Variants in MYO1D observed in about 807,000 individuals in gnomAD.
MYO1D encodes the protein myosin ID.
In MYO1D, 83 loss-of-function variants were observed where a neutral mutation model predicts 122.0. That is an observed-to-expected ratio of 0.68 (90% CI 0.57 to 0.82). The LOEUF is 0.82. Among genes scored for constraint, MYO1D ranks in the 40% least tolerant of loss-of-function variants. The pLI is 0.00. For missense variants in MYO1D, 1,157 were observed against 1,269.5 expected (o/e 0.91, Z 1.35); for synonymous variants, 464 against 446.9 (o/e 1.04, Z -0.48).
chr17:32,850,952 G>C (rs1271562956), intron 1 of MYO1D, among the ~76,000 whole-genome samples: 4 of 150,890 alleles, frequency 2.7e-5, no homozygotes, highest in Non-Finnish European at 5.9e-5. Context: ...ATGACCAACT[G>C]TTTACTTCAT....
chr17:32,560,208 T>A (rs985619934), intron 21 of MYO1D, among the ~76,000 whole-genome samples: 4 of 152,038 alleles, frequency 2.6e-5, no homozygotes, highest in Admixed American at 2.6e-4. Flanking sequence ...TGAGCCGAGA[T>A]TGCACCACTG....
intron 21 of MYO1D, among the ~76,000 whole-genome samples, chr17:32,555,993 AT>A (rs2087065145): frequency 6.6e-6 from 1 of 152,134 alleles, no homozygotes; most frequent in African/African-American, 2.4e-5. Context: ...AGCCCTGCTT[AT>A]TCCTCCTTAG....
At chr17:32,729,500 T>C (rs1292526567) in intron 14 of MYO1D, among the ~76,000 whole-genome samples, 1 of 152,146 alleles carries the variant, frequency 6.6e-6, no homozygotes, top group African/African-American at 2.4e-5. Context: ...GTAATACTTA[T>C]CAATCTTCCT....
At position 32,571,252 on chromosome 17, in the gene MYO1D, C is replaced by T. The variant is rs142644604; in HGVS notation, c.2864+33835G>A. On this transcript the variant is annotated intron_variant, in intron 21 of 21. Transcript: ENST00000318217. Reference sequence around the variant, plus strand: ...GGAGTGGGGCGTGGAAGCAGGCAAACGAACGGGTAAAGAAAACCTCATTGG... The same window carrying T: ...GGAGTGGGGCGTGGAAGCAGGCAAATGAACGGGTAAAGAAAACCTCATTGG... Among the ~76,000 whole-genome samples the T allele has an allele frequency of 2.9e-3, 443 of 152,164 alleles. 2 individuals are homozygous for T. Among genetic ancestry groups the T allele is most frequent in the African/African-American group, 9.8e-3 (408 of 41,518 alleles).
At chr17:32,732,830 C>T (rs1168690743) in intron 14 of MYO1D, among the ~76,000 whole-genome samples, 1 of 152,186 alleles carries the variant, frequency 6.6e-6, no homozygotes, top group Non-Finnish European at 1.5e-5. Flanking sequence ...AGCTGTGGCC[C>T]TTCAGGGAGC....
intron 16 of MYO1D, among the ~76,000 whole-genome samples, chr17:32,690,746 C>A (rs1431589866): frequency 1.3e-5 from 2 of 152,164 alleles, no homozygotes; most frequent in Non-Finnish European, 2.9e-5. Context: ...TGATTGGAAG[C>A]TCTTTGAGGG....
At chr17:32,693,455 T>C (rs550717812) in intron 16 of MYO1D, among the ~76,000 whole-genome samples, 55 of 151,894 alleles carry the variant, frequency 3.6e-4, no homozygotes, top group Admixed American at 7.2e-4. Flanking sequence ...GGGGGCTCAA[T>C]TGAAAGGTGT....
chr17:32,719,567 G>A (rs1416297653), intron 15 of MYO1D, among the ~76,000 whole-genome samples: 1 of 151,938 alleles, frequency 6.6e-6, no homozygotes, highest in African/African-American at 2.4e-5. Context: ...AGCCAGGATG[G>A]TCTAGATCTC....
At chr17:32,677,495 T>G (rs1451973011) in intron 16 of MYO1D, among the ~76,000 whole-genome samples, 3 of 151,442 alleles carry the variant, frequency 2.0e-5, no homozygotes, top group Admixed American at 6.6e-5. Flanking sequence ...TAAGAAGGGT[T>G]AATATTTGAA....
chr17:32,819,470 G>T (rs1364606077), intron 1 of MYO1D, among the ~76,000 whole-genome samples: 5 of 152,120 alleles, frequency 3.3e-5, no homozygotes, highest in Non-Finnish European at 7.3e-5. Context: ...ACTTGCACAT[G>T]GCTCTGACTT....
intron 21 of MYO1D, among the ~76,000 whole-genome samples, chr17:32,504,392 G>A (rs923304604): frequency 1.3e-5 from 2 of 152,192 alleles, no homozygotes; most frequent in African/African-American, 2.4e-5. Context: ...AGGGTGGAAG[G>A]GGCACTGTCC....
At chr17:32,717,467 T>G (rs935790855) in intron 15 of MYO1D, among the ~76,000 whole-genome samples, 1 of 152,266 alleles carries the variant, frequency 6.6e-6, no homozygotes, top group Non-Finnish European at 1.5e-5. Context: ...CTTTTTTGCA[T>G]ATATCCTGCC....
At chr17:32,757,132 A>G (rs2089956244) in intron 10 of MYO1D, among the ~76,000 whole-genome samples, 1 of 152,150 alleles carries the variant, frequency 6.6e-6, no homozygotes, top group Admixed American at 6.6e-5. Context: ...CATGCTTTAA[A>G]ATCCAAGGTT....
At chr17:32,810,500 CAG>C (rs2090561073) in intron 1 of MYO1D, among the ~76,000 whole-genome samples, 1 of 146,416 alleles carries the variant, frequency 6.8e-6, no homozygotes, top group South Asian at 2.1e-4. Flanking sequence ...TTTTTTGAGA[CAG>C]AGTCTCGCTC....
chr17:32,708,682 G>A (rs2150984770), intron 16 of MYO1D, among the ~76,000 whole-genome samples: 1 of 152,240 alleles, frequency 6.6e-6, no homozygotes, highest in Admixed American at 6.5e-5. Flanking sequence ...TCGCACATAA[G>A]ATACCCTGGA....
At chr17:32,688,112 T>C (rs2089043650) in intron 16 of MYO1D, among the ~76,000 whole-genome samples, 1 of 152,306 alleles carries the variant, frequency 6.6e-6, no homozygotes, top group South Asian at 2.1e-4. Flanking sequence ...TAGCATAGCT[T>C]GGGAGGAACA....
chr17:32,625,588 T>A (rs1461025267), intron 20 of MYO1D, among the ~76,000 whole-genome samples: 1 of 152,192 alleles, frequency 6.6e-6, no homozygotes, highest in African/African-American at 2.4e-5. Context: ...CTCGCTCTAT[T>A]GCCCAGGCTG....
At chr17:32,778,885 G>A (rs959702964) in intron 2 of MYO1D, among the ~76,000 whole-genome samples, 11 of 152,154 alleles carry the variant, frequency 7.2e-5, no homozygotes, top group Admixed American at 2.0e-4. Context: ...GTACTTGGTA[G>A]GGACTCATAA....
intron 18 of MYO1D, 147 bp from the exon 19 acceptor site, chr17:32,654,094 A>G (rs2088438325): frequency 3.1e-6 from 2 of 635,322 alleles, no homozygotes; most frequent in Non-Finnish European, 5.2e-6. Flanking sequence ...AAGCTACTAA[A>G]TGGTTGTTGT....
Sources: gnomAD v4.1 joint callset for allele counts (sites outside exome capture counted in the v4.1 genomes callset) on GRCh38, gnomAD v4.1.1 for gene constraint, MANE v1.5 for transcripts, NCBI Gene and HGNC (gene_info 2026-07-23, HGNC 2026-07-21) for gene names.